The following RHOU variants were observed in gnomAD, a reference collection of about 807,000 sequenced individuals.
The protein encoded by RHOU is ras homolog family member U.
In RHOU, 8 loss-of-function variants were observed where a neutral mutation model predicts 12.6. The observed-to-expected ratio is 0.64, with a 90% CI of 0.37 to 1.15. RHOU has a LOEUF of 1.15. Ranked by LOEUF, RHOU falls within the 50% of genes most tolerant of loss-of-function variation. RHOU has a pLI of 0.01. For synonymous variants in RHOU, 161 were observed against 147.4 expected (o/e 1.09, Z -0.67); for missense variants, 258 against 347.0 (o/e 0.74, Z 2.04).
At chr1:228,706,724 T>C in the RHOU span, among the ~76,000 whole-genome samples, 3 of 152,226 alleles carry the variant, frequency 2.0e-5, no homozygotes, top group African/African-American at 7.2e-5. Flanking sequence ...GGGTTTTCTC[T>C]ATCATCTTAT....
the RHOU span, among the ~76,000 whole-genome samples, chr1:228,655,270 A>T: frequency 6.6e-6 from 1 of 151,900 alleles, no homozygotes; most frequent in Non-Finnish European, 1.5e-5. Context: ...TACCCAGCTA[A>T]TTTTTGTATT....
chr1:228,659,105 G>A, the RHOU span, among the ~76,000 whole-genome samples: 2 of 152,134 alleles, frequency 1.3e-5, no homozygotes, highest in East Asian at 1.9e-4. Context: ...AAAGCCGAGC[G>A]TCATGGCTCA....
chr1:228,743,169 A>G lies in RHOU; in HGVS notation c.322-116A>G. Reference sequence around the variant, plus strand: ...TTCAAGGATGCTGGCTCTTCCTTCTAGAACCAGCGGGTCTTCTATCACCTG... The same window carrying G: ...TTCAAGGATGCTGGCTCTTCCTTCTGGAACCAGCGGGTCTTCTATCACCTG... On this transcript the variant is annotated intron_variant, in intron 2 of 2. Transcript: ENST00000366691. The surrounding 1 kb of genome is among the most constrained non-coding windows in gnomAD (Gnocchi z 5.1). 1.1e-6 allele frequency: 1 copy of G among 939,372 alleles called. No individual in the cohort carries two copies. The highest frequency in any genetic ancestry group is 1.6e-5 in the South Asian group (1 of 63,582). The allele number at this position is 939,372 out of a possible 1,614,324, so 58.2% of individuals were successfully genotyped here.
At chr1:228,662,378 C>G in the RHOU span, among the ~76,000 whole-genome samples, 1 of 152,154 alleles carries the variant, frequency 6.6e-6, no homozygotes, top group Non-Finnish European at 1.5e-5. Context: ...GACAAATGCA[C>G]GCGAGTGTTT....
chr1:228,714,740 CTTTT>C, the RHOU span, among the ~76,000 whole-genome samples: 3 of 83,686 alleles, frequency 3.6e-5, no homozygotes, highest in African/African-American at 5.4e-5. Context: ...TGTTAATTAT[CTTTT>C]TTTTTTTTTT....
chr1:228,680,506 G>A, the RHOU span, among the ~76,000 whole-genome samples: 3 of 152,178 alleles, frequency 2.0e-5, no homozygotes, highest in South Asian at 2.1e-4. Context: ...GTCTTACAGC[G>A]GAGGCAAGTA....
chr1:228,732,029 T>C (rs1488443912), upstream of RHOU, among the ~76,000 whole-genome samples: 4 of 152,228 alleles, frequency 2.6e-5, no homozygotes, highest in Non-Finnish European at 5.9e-5. Context: ...CTTCATTCAT[T>C]CTAAAAATAT....
chr1:228,657,279 C>CAAAAAAAAAAAAAAAAAAAAAAAGAAAAA, the RHOU span, among the ~76,000 whole-genome samples: 1 of 28,032 alleles, frequency 3.6e-5, no homozygotes, highest in African/African-American at 1.4e-4. Flanking sequence ...AACTCCATCT[C>CAAAAAAAAAAAAAAAAAAAAAAAGAAAAA]AAAAAAAAAA....
chr1:228,700,598 A>G, the RHOU span, among the ~76,000 whole-genome samples: 3 of 152,220 alleles, frequency 2.0e-5, no homozygotes, highest in Non-Finnish European at 2.9e-5. Context: ...TAAGGTTGCA[A>G]TTGACAAGAA....
chr1:228,664,610 C>T, the RHOU span, among the ~76,000 whole-genome samples: 1 of 152,050 alleles, frequency 6.6e-6, no homozygotes, highest in Non-Finnish European at 1.5e-5. Context: ...AAAACCTTTG[C>T]CAGGAGGAAC....
the RHOU span, among the ~76,000 whole-genome samples, chr1:228,708,683 G>A: frequency 4.0e-5 from 6 of 151,610 alleles, no homozygotes; most frequent in African/African-American, 1.2e-4. Flanking sequence ...AGGAACAACC[G>A]GTACCAGCCG....
chr1:228,719,808 G>A, the RHOU span, among the ~76,000 whole-genome samples: 3 of 152,084 alleles, frequency 2.0e-5, no homozygotes, highest in African/African-American at 7.2e-5. Context: ...AGGTTGGCCA[G>A]TCCTTTTGAT....
At chr1:228,691,655 C>T in the RHOU span, among the ~76,000 whole-genome samples, 1 of 152,282 alleles carries the variant, frequency 6.6e-6, no homozygotes, top group East Asian at 1.9e-4. Flanking sequence ...TACTGAAGGA[C>T]ATCTTAGTAA....
the RHOU span, among the ~76,000 whole-genome samples, chr1:228,704,422 A>C: frequency 6.6e-6 from 1 of 152,066 alleles, no homozygotes; most frequent in East Asian, 1.9e-4. Flanking sequence ...AAGTTGGTAA[A>C]TTTTCTTACC....
chr1:228,647,139 T>G, the RHOU span, among the ~76,000 whole-genome samples: 1 of 151,862 alleles, frequency 6.6e-6, no homozygotes, highest in African/African-American at 2.4e-5. Flanking sequence ...GGTGGAGGGG[T>G]TTGAGCTGTG....
At chr1:228,735,376 G>A (rs904332964), upstream of RHOU, 1 of 155,998 alleles carries the variant, frequency 6.4e-6, no homozygotes, top group Non-Finnish European at 1.4e-5. The surrounding 1 kb of genome is among the most constrained non-coding windows in gnomAD (Gnocchi z 8.1). Context: ...GTCTTGGCGC[G>A]GGGACCGAGC....
At chr1:228,687,779 A>G in the RHOU span, 6 of 1,356,470 alleles carry the variant, frequency 4.4e-6, no homozygotes, top group East Asian at 1.4e-4. Flanking sequence ...GCTCGGCGGA[A>G]TACCTCTTAG....
At chr1:228,681,910 G>C in the RHOU span, among the ~76,000 whole-genome samples, 1 of 152,100 alleles carries the variant, frequency 6.6e-6, no homozygotes, top group Non-Finnish European at 1.5e-5. Context: ...GCCAAAGCAG[G>C]TGTCCCCACA....
the RHOU span, among the ~76,000 whole-genome samples, chr1:228,701,665 AT>A: frequency 6.6e-6 from 1 of 151,976 alleles, no homozygotes; most frequent in African/African-American, 2.4e-5. Context: ...AATTTTAAAA[AT>A]TCTTTTTCTT....
Sources: allele counts gnomAD v4.1 joint callset (sites outside exome capture counted in the v4.1 genomes callset), GRCh38; gene constraint gnomAD v4.1.1; non-coding constraint Gnocchi (gnomAD v3.1); transcripts MANE v1.5; gene names NCBI Gene and HGNC (gene_info 2026-07-23, HGNC 2026-07-21).